Variants in PTPRD observed in about 807,000 individuals in gnomAD.
PTPRD encodes the protein receptor-type tyrosine-protein phosphatase delta.
A neutral mutation model predicts 214.5 loss-of-function variants in PTPRD; 34 were observed. That is an observed-to-expected ratio of 0.16 (90% CI 0.12 to 0.21). The LOEUF (loss-of-function observed/expected upper bound fraction) is 0.21, where lower values mean the gene tolerates loss of function less well. PTPRD is among the 10% of genes least tolerant of loss of function. The pLI is 1.00. For missense variants in PTPRD, 2,545 were observed against 2,398.7 expected (o/e 1.06, Z -1.27); for synonymous variants, 1,128 against 845.7 (o/e 1.33, Z -5.79).
chr9:8,331,138 A>G (rs2131587036), intron 44 of PTPRD, among the ~76,000 whole-genome samples: 1 of 152,192 alleles, frequency 6.6e-6, no homozygotes, highest in Admixed American at 6.5e-5. Flanking sequence ...CTGAGGTACC[A>G]TACTAAGCAC....
intron 11 of PTPRD, among the ~76,000 whole-genome samples, chr9:8,780,275 G>A (rs2154493354): frequency 6.6e-6 from 1 of 152,266 alleles, no homozygotes; most frequent in South Asian, 2.1e-4. Flanking sequence ...GTTCTCATTT[G>A]ATAAATTTAG....
chr9:9,261,647 CGTGTGTGT>C (rs5896314), intron 9 of PTPRD, among the ~76,000 whole-genome samples: 15 of 148,194 alleles, frequency 1.0e-4, no homozygotes, highest in South Asian at 4.3e-4. Flanking sequence ...TGTGCATGCA[CGTGTGTGT>C]GTGTGTGTGT....
intron 9 of PTPRD, among the ~76,000 whole-genome samples, chr9:9,306,678 T>G (rs1026327381): frequency 6.6e-6 from 1 of 152,148 alleles, no homozygotes; most frequent in African/African-American, 2.4e-5. Flanking sequence ...GCAGCCATTA[T>G]TTATGAAAGA....
intron 3 of PTPRD, among the ~76,000 whole-genome samples, chr9:10,322,341 A>T (rs2154428386): frequency 6.6e-6 from 1 of 152,082 alleles, no homozygotes; most frequent in East Asian, 1.9e-4. Context: ...GCTAGTACAC[A>T]ATAAGCTATG....
intron 8 of PTPRD, among the ~76,000 whole-genome samples, chr9:9,480,212 G>A (rs2095346661): frequency 6.6e-6 from 1 of 152,144 alleles, no homozygotes. Context: ...CCACTGAGGT[G>A]AAGGAGATGG....
chr9:8,582,314 C>G (rs1594489297), intron 14 of PTPRD, among the ~76,000 whole-genome samples: 1 of 152,162 alleles, frequency 6.6e-6, no homozygotes, highest in African/African-American at 2.4e-5. Flanking sequence ...AAAAGTAAAT[C>G]TGTTAGATAT....
chr9:8,697,634 G>T (rs887825771), intron 12 of PTPRD, among the ~76,000 whole-genome samples: 17 of 148,754 alleles, frequency 1.1e-4, no homozygotes, highest in African/African-American at 4.3e-4. Flanking sequence ...TGTTGGCCAG[G>T]CTAGTCTCGA....
chr9:8,399,647 G>A lies in PTPRD; in HGVS notation c.4210+4890C>T, dbSNP rs561702824. Among the ~76,000 whole-genome samples, 3 of 152,216 alleles carry A rather than the reference G, an allele frequency of 2.0e-5. No individual in the cohort carries two copies. In the South Asian group the frequency reaches 6.2e-4, roughly 32 times the overall value. On this transcript the variant is annotated intron_variant, in intron 36 of 45. Coordinates refer to ENST00000381196, the MANE Select transcript of PTPRD (RefSeq NM_002839.4). ...TGACTTGGAGTCTAAGAACACAACT[G>A]AAGATCTCTAGTTCTAAGATTTCTA...
chr9:9,970,487 G>C (rs1006197453), intron 4 of PTPRD, among the ~76,000 whole-genome samples: 12 of 151,176 alleles, frequency 7.9e-5, no homozygotes, highest in African/African-American at 2.9e-4. Flanking sequence ...TTTTGTGGTT[G>C]AATTACCTCA....
At chr9:10,008,931 T>C (rs2096543144) in intron 4 of PTPRD, among the ~76,000 whole-genome samples, 1 of 151,926 alleles carries the variant, frequency 6.6e-6, no homozygotes, top group Non-Finnish European at 1.5e-5. Flanking sequence ...TAATAATTAA[T>C]AATCAATATT....
At chr9:8,416,500 C>T (rs1361993415) in intron 35 of PTPRD, among the ~76,000 whole-genome samples, 8 of 152,094 alleles carry the variant, frequency 5.3e-5, no homozygotes, top group Non-Finnish European at 2.9e-5. Flanking sequence ...TTCACAACTG[C>T]ACATGTGACT....
rs1465858353 is a variant in PTPRD at position 8,484,045 on chromosome 9, C to G, written c.3413+74G>C. On this transcript the variant is annotated intron_variant, in intron 30 of 45. Transcript: ENST00000381196. ...TAAGCAGTATCTTCTTTTACGACCTCTATAATTTTGAGATATAATGTTCCT... is the reference window on the plus strand; with the variant it reads ...TAAGCAGTATCTTCTTTTACGACCTGTATAATTTTGAGATATAATGTTCCT... 6 of 1,529,406 alleles carry G rather than the reference C, an allele frequency of 3.9e-6. No individual in the cohort carries two copies. In the African/African-American group the frequency reaches 4.1e-5, roughly 11 times the overall value. The allele number at this position is 1,529,406 out of a possible 1,614,324, so 94.7% of individuals were successfully genotyped here.
intron 8 of PTPRD, among the ~76,000 whole-genome samples, chr9:9,424,435 C>A (rs536056271): frequency 3.3e-5 from 5 of 152,160 alleles, no homozygotes; most frequent in African/African-American, 9.7e-5. Flanking sequence ...GAATAGCCCA[C>A]GGCATTGTGT....
At chr9:9,988,000 T>C (rs1450127749) in intron 4 of PTPRD, among the ~76,000 whole-genome samples, 1 of 152,186 alleles carries the variant, frequency 6.6e-6, no homozygotes, top group Non-Finnish European at 1.5e-5. Context: ...AGTCAAAACA[T>C]TTCTTCTAAG....
At chr9:9,305,734 G>A (rs1254444972) in intron 9 of PTPRD, among the ~76,000 whole-genome samples, 1 of 152,150 alleles carries the variant, frequency 6.6e-6, no homozygotes, top group Admixed American at 6.6e-5. Flanking sequence ...ATGAGAGAGA[G>A]AAAGATAGAT....
At chr9:8,375,191 C>T (rs1227532830) in intron 39 of PTPRD, among the ~76,000 whole-genome samples, 8 of 151,864 alleles carry the variant, frequency 5.3e-5, no homozygotes, top group Non-Finnish European at 1.0e-4. Flanking sequence ...GAGTAGTCTG[C>T]TAATAATGAT....
chr9:9,184,466 C>T (rs1269757072), intron 9 of PTPRD, among the ~76,000 whole-genome samples: 1 of 152,022 alleles, frequency 6.6e-6, no homozygotes, highest in Non-Finnish European at 1.5e-5. Flanking sequence ...ACATGATTCT[C>T]CAGCCACAGC....
chr9:8,364,143 C>T (rs1051743078), intron 39 of PTPRD, among the ~76,000 whole-genome samples: 2 of 152,240 alleles, frequency 1.3e-5, no homozygotes, highest in Middle Eastern at 3.4e-3. Flanking sequence ...ATGGCATGGT[C>T]AGAAGCAAAG....
intron 5 of PTPRD, among the ~76,000 whole-genome samples, chr9:9,927,469 CA>C (rs1566407143): frequency 6.6e-6 from 1 of 152,244 alleles, no homozygotes; most frequent in East Asian, 1.9e-4. Flanking sequence ...GGATTTATAT[CA>C]AATTCAGCTT....
Sources: allele counts gnomAD v4.1 joint callset (sites outside exome capture counted in the v4.1 genomes callset), GRCh38; gene constraint gnomAD v4.1.1; transcripts MANE v1.5; gene names NCBI Gene and HGNC (gene_info 2026-07-23, HGNC 2026-07-21).